Variants in NECTIN3 observed in about 807,000 individuals in gnomAD.
The protein encoded by NECTIN3 is nectin-3.
NECTIN3 carries 8 observed loss-of-function variants against 49.4 expected under a neutral mutation model. The ratio of observed to expected loss-of-function variants is 0.16; its 90% CI spans 0.10 to 0.29. NECTIN3 has a LOEUF of 0.29. Among genes scored for constraint, NECTIN3 ranks in the 10% least tolerant of loss-of-function variants. NECTIN3 has a pLI of 1.00. For missense variants in NECTIN3, 581 were observed against 654.6 expected (o/e 0.89, Z 1.23); for synonymous variants, 277 against 241.1 (o/e 1.15, Z -1.38).
intron 7 of NECTIN3, among the ~76,000 whole-genome samples, chr3:111,178,310 G>A (rs77271251): frequency 2.4e-3 from 369 of 152,238 alleles, no homozygotes; most frequent in African/African-American, 8.3e-3. Context: ...CTTTCTTTCT[G>A]TAGTCATTTC....
chr3:111,148,270 T>C (rs912273112), intron 7 of NECTIN3, among the ~76,000 whole-genome samples: 1 of 152,212 alleles, frequency 6.6e-6, no homozygotes, highest in Non-Finnish European at 1.5e-5. Flanking sequence ...TCTAAAGGAA[T>C]GTTTCTGCCA....
chr3:111,102,026 T>A (rs777843815), intron 1 of NECTIN3, among the ~76,000 whole-genome samples: 2 of 152,156 alleles, frequency 1.3e-5, no homozygotes, highest in African/African-American at 2.4e-5. Flanking sequence ...CTCTGGACTA[T>A]GGCAAATGAT....
chr3:111,168,483 C>G (rs957747120), intron 7 of NECTIN3, among the ~76,000 whole-genome samples: 2 of 152,052 alleles, frequency 1.3e-5, no homozygotes, highest in African/African-American at 4.8e-5. Context: ...TATCTGTATA[C>G]ACACATATAT....
intron 2 of NECTIN3, among the ~76,000 whole-genome samples, chr3:111,116,225 TCAGG>T (rs1012103305): frequency 3.3e-5 from 5 of 152,216 alleles, no homozygotes; most frequent in Non-Finnish European, 1.5e-5. Context: ...TAAGAAGAAC[TCAGG>T]CAGAGTAATA....
At chr3:111,140,981 C>G (rs1423705292), downstream of NECTIN3, among the ~76,000 whole-genome samples, 1 of 151,880 alleles carries the variant, frequency 6.6e-6, no homozygotes, top group Non-Finnish European at 1.5e-5. Context: ...TTCTTTCACT[C>G]TACTTTGGGG....
chr3:111,111,891 GTGTGTGCA>G (rs2033476289), intron 1 of NECTIN3, 131 bp from the exon 2 acceptor site: 31 of 516,572 alleles, frequency 6.0e-5, no homozygotes, highest in Non-Finnish European at 7.6e-5. Context: ...GCATGTGTGT[GTGTGTGCA>G]TGTGTGTGTG....
chr3:111,098,292 G>T (rs894042206), intron 1 of NECTIN3, among the ~76,000 whole-genome samples: 3 of 152,068 alleles, frequency 2.0e-5, no homozygotes, highest in African/African-American at 7.2e-5. Context: ...TAGTTTCCTA[G>T]GGCTTCTATA....
intron 1 of NECTIN3, among the ~76,000 whole-genome samples, chr3:111,077,616 G>T (rs2031309454): frequency 6.6e-6 from 1 of 152,082 alleles, no homozygotes; most frequent in Non-Finnish European, 1.5e-5. Context: ...TGTAAGACGG[G>T]TGAGGTGTGG....
intron 4 of NECTIN3, 50 bp downstream of exon 4, chr3:111,122,288 T>C: frequency 7.4e-7 from 1 of 1,342,336 alleles, no homozygotes; most frequent in African/African-American, 1.5e-5. Flanking sequence ...GAAACCTTCT[T>C]AAATCCCCAT....
chr3:111,096,512 G>A (rs774578234), intron 1 of NECTIN3, among the ~76,000 whole-genome samples: 3 of 152,160 alleles, frequency 2.0e-5, no homozygotes, highest in Non-Finnish European at 4.4e-5. Flanking sequence ...CAAGACAATG[G>A]GGAAAACGTC....
chr3:111,165,089 C>T (rs1005907250), intron 7 of NECTIN3, among the ~76,000 whole-genome samples: 3 of 151,936 alleles, frequency 2.0e-5, no homozygotes, highest in African/African-American at 7.3e-5. Context: ...CTCTGTCGCC[C>T]AGGCTGGAGT....
At chr3:111,174,383 G>A (rs1444522011) in intron 7 of NECTIN3, among the ~76,000 whole-genome samples, 4 of 152,052 alleles carry the variant, frequency 2.6e-5, no homozygotes, top group Admixed American at 2.0e-4. Context: ...TAATATGAAC[G>A]TTCAATTTTC....
intron 1 of NECTIN3, chr3:111,193,525 C>G (rs1472010624): frequency 1.1e-6 from 1 of 914,674 alleles, no homozygotes; most frequent in Non-Finnish European, 1.6e-6. Context: ...TGACGTAAAG[C>G]CAATAGCAAA....
chr3:111,194,074 G>C (rs2035863683), intron 1 of NECTIN3, among the ~76,000 whole-genome samples: 1 of 152,118 alleles, frequency 6.6e-6, no homozygotes, highest in Non-Finnish European at 1.5e-5. Context: ...TGTAACAAAG[G>C]CTCTACTTTT....
chr3:111,091,838 G>T (rs536233333), intron 1 of NECTIN3, among the ~76,000 whole-genome samples: 6 of 152,238 alleles, frequency 3.9e-5, no homozygotes, highest in Non-Finnish European at 5.9e-5. Flanking sequence ...ATTGCTGGAG[G>T]TGTTGCTAAT....
At chr3:111,140,132 T>C (rs1210918835), downstream of NECTIN3, among the ~76,000 whole-genome samples, 1 of 151,864 alleles carries the variant, frequency 6.6e-6, no homozygotes, top group Admixed American at 6.6e-5. Context: ...AACAAATAGA[T>C]TCAAATGGAA....
chr3:111,134,238 T>C lies in NECTIN3; in HGVS notation c.*23T>C, dbSNP rs2034499253. ...TAGCAACCACTGAATGTGACTTAAC[T>C]ATGTACAATGTTCATTCACACTAGT... On this transcript the variant is annotated 3_prime_UTR_variant, in exon 6 of 6. Coordinates refer to ENST00000485303, the MANE Select transcript of NECTIN3 (RefSeq NM_015480.3). The C allele has an allele frequency of 6.4e-7, 1 of 1,555,996 alleles. No individual in the cohort carries two copies. Among genetic ancestry groups the C allele is most frequent in the South Asian group, 1.3e-5 (1 of 78,532 alleles).
At chr3:111,190,894 A>G (rs996514331), upstream of NECTIN3, among the ~76,000 whole-genome samples, 2 of 152,218 alleles carry the variant, frequency 1.3e-5, no homozygotes, top group Non-Finnish European at 2.9e-5. Context: ...CAAGAACAAT[A>G]GGAAAACTAG....
intron 1 of NECTIN3, among the ~76,000 whole-genome samples, chr3:111,082,428 T>G (rs1179812659): frequency 3.3e-5 from 5 of 151,608 alleles, no homozygotes; most frequent in African/African-American, 1.2e-4. Context: ...AAGGGAATAG[T>G]GGATGGGGCC....
Sources: allele counts gnomAD v4.1 joint callset (sites outside exome capture counted in the v4.1 genomes callset), GRCh38; gene constraint gnomAD v4.1.1; transcripts MANE v1.5; gene names NCBI Gene and HGNC (gene_info 2026-07-23, HGNC 2026-07-21).